CARM1: variants seen among roughly 807,000 people sequenced by gnomAD.
The protein encoded by CARM1 is coactivator associated arginine methyltransferase 1.
In CARM1, 14 loss-of-function variants were observed where a neutral mutation model predicts 72.7. The ratio of observed to expected loss-of-function variants is 0.19; its 90% CI spans 0.13 to 0.30. The LOEUF (loss-of-function observed/expected upper bound fraction) is 0.30. Ranked by LOEUF, CARM1 falls within the 10% of genes least tolerant of loss-of-function variation. CARM1 has a pLI of 1.00. For missense variants in CARM1, 432 were observed against 833.7 expected (o/e 0.52, Z 5.93); for synonymous variants, 333 against 345.5 (o/e 0.96, Z 0.40).
chr19:10,912,359 C>T lies in CARM1; in HGVS notation c.669+65C>T, dbSNP rs2074158099. On this transcript the variant is annotated intron_variant, in intron 5 of 15. Transcript: ENST00000327064. This position sits in a 1 kb window ranked among gnomAD's most constrained non-coding sequence, Gnocchi z 4.5. Reference sequence around the variant, plus strand: ...CCATGAGTGCCATGCCGGCCCCAGCCTAGAGAAGCTTGGGAACCCCCAGGG... The same window carrying T: ...CCATGAGTGCCATGCCGGCCCCAGCTTAGAGAAGCTTGGGAACCCCCAGGG... 3.2e-6 allele frequency: 4 copies of T among 1,257,204 alleles called. No homozygotes were observed. The East Asian group carries it at 9.3e-5, about 29-fold the overall frequency. 77.9% of individuals were successfully genotyped at this position (1,257,204 alleles called of 1,614,324 possible).
At chr19:10,890,641 A>G (rs578220448) in intron 1 of CARM1, among the ~76,000 whole-genome samples, 2 of 150,336 alleles carry the variant, frequency 1.3e-5, no homozygotes, top group Non-Finnish European at 3.0e-5. Context: ...ACATATATAT[A>G]TGTATATGTA....
chr19:10,890,797 T>A (rs200883793), intron 1 of CARM1, among the ~76,000 whole-genome samples: 817 of 87,728 alleles, frequency 9.3e-3, no homozygotes, highest in East Asian at 0.016. Flanking sequence ...ATATATATAT[T>A]TTTTTTTTTT....
At chr19:10,895,612 G>GT (rs1420340093) in intron 1 of CARM1, among the ~76,000 whole-genome samples, 3 of 152,234 alleles carry the variant, frequency 2.0e-5, no homozygotes, top group Admixed American at 1.3e-4. Flanking sequence ...CATGCGCACA[G>GT]TGAGGGCAGG....
intron 1 of CARM1, among the ~76,000 whole-genome samples, chr19:10,901,728 G>A (rs1163922785): frequency 6.6e-6 from 1 of 152,136 alleles, no homozygotes; most frequent in African/African-American, 2.4e-5. Flanking sequence ...GATCACACGA[G>A]GCTAGGACTT....
chr19:10,916,838 A>C lies in CARM1; in HGVS notation c.1020+61A>C. 1 of 1,272,698 alleles carries C rather than the reference A, an allele frequency of 7.9e-7. No individual in the cohort carries two copies. Among genetic ancestry groups the C allele is most frequent in the Non-Finnish European group, 1.1e-6 (1 of 901,074 alleles). The allele number at this position is 1,272,698 out of a possible 1,614,324, so 78.8% of individuals were successfully genotyped here. On this transcript the variant is annotated intron_variant, in intron 8 of 15. Transcript: ENST00000327064. This position sits in a 1 kb window ranked among gnomAD's most constrained non-coding sequence, Gnocchi z 4.4. ...ACTTGCCATTGCTGTGCAGCTGTGCAGCCCTCAGGAAGCTACAGCCCCTCT... is the reference window on the plus strand; with the variant it reads ...ACTTGCCATTGCTGTGCAGCTGTGCCGCCCTCAGGAAGCTACAGCCCCTCT...
At chr19:10,893,377 C>T (rs1438175855) in intron 1 of CARM1, among the ~76,000 whole-genome samples, 1 of 151,390 alleles carries the variant, frequency 6.6e-6, no homozygotes. Flanking sequence ...CTTACTCTCT[C>T]CCCCAGGTTG....
intron 1 of CARM1, among the ~76,000 whole-genome samples, chr19:10,901,976 G>A (rs1723091111): frequency 6.6e-6 from 1 of 152,004 alleles, no homozygotes; most frequent in African/African-American, 2.4e-5. Context: ...GGGCACAGTG[G>A]CTCACCTCTG....
chr19:10,922,071 C>T lies in CARM1; in HGVS notation c.*314C>T. On this transcript the variant is annotated 3_prime_UTR_variant, in exon 16 of 16. Coordinates refer to ENST00000327064, the MANE Select transcript of CARM1 (RefSeq NM_199141.2). ...CTGGAACAGGCGCCATGGGGCCTGC[C>T]AGCCCTGCCTGCCAGGTCCCTTAGC... 2 of 232,930 alleles carry T rather than the reference C, an allele frequency of 8.6e-6. No individual in the cohort carries two copies. The highest frequency in any genetic ancestry group is 1.7e-5 in the Non-Finnish European group (2 of 120,414). 14.4% of individuals were successfully genotyped at this position (232,930 alleles called of 1,614,324 possible).
At chr19:10,878,286 T>C (rs939116014) in intron 1 of CARM1, among the ~76,000 whole-genome samples, 13 of 152,194 alleles carry the variant, frequency 8.5e-5, no homozygotes, top group African/African-American at 3.1e-4. Flanking sequence ...AAATATTTAC[T>C]CACTGGCCCG....
At chr19:10,872,953 G>A (rs1208334045) in intron 1 of CARM1, among the ~76,000 whole-genome samples, 1 of 152,134 alleles carries the variant, frequency 6.6e-6, no homozygotes, top group Non-Finnish European at 1.5e-5. Context: ...AAAGCCCGAG[G>A]AGCAGTCCGT....
Position 10,912,347 on chromosome 19 carries a change from G to C in CARM1, c.669+53G>C. ...CCTCGTCCTCGCCCATGAGTGCCAT[G>C]CCGGCCCCAGCCTAGAGAAGCTTGG... On this transcript the variant is annotated intron_variant, in intron 5 of 15. Coordinates refer to ENST00000327064, the MANE Select transcript of CARM1 (RefSeq NM_199141.2). This position sits in a 1 kb window ranked among gnomAD's most constrained non-coding sequence, Gnocchi z 4.5. The C allele has an allele frequency of 1.5e-6, 2 of 1,332,908 alleles. No homozygotes were observed. The highest frequency in any genetic ancestry group is 1.1e-6 in the Non-Finnish European group (1 of 928,206). 82.6% of individuals were successfully genotyped at this position (1,332,908 alleles called of 1,614,324 possible).
chr19:10,889,053 T>C (rs1406753345), intron 1 of CARM1, among the ~76,000 whole-genome samples: 1 of 152,174 alleles, frequency 6.6e-6, no homozygotes, highest in Non-Finnish European at 1.5e-5. Context: ...TTATGAGGTT[T>C]GGGTGTCCTC....
chr19:10,894,024 TG>T (rs1437788833), intron 1 of CARM1, among the ~76,000 whole-genome samples: 6 of 152,322 alleles, frequency 3.9e-5, no homozygotes, highest in African/African-American at 4.8e-5. Context: ...CACACAGGAA[TG>T]GGGGGAAGCT....
intron 8 of CARM1, among the ~76,000 whole-genome samples, chr19:10,917,718 C>CTTT (rs1164032277): frequency 0.013 from 1,719 of 129,760 alleles, 28 homozygotes; most frequent in Non-Finnish European, 0.017. Context: ...TTTTCTTTTT[C>CTTT]TTTTTTTTTT....
At position 10,916,273 on chromosome 19, in the gene CARM1, A is replaced by C; in HGVS notation, c.848-134A>C. On this transcript the variant is annotated intron_variant, in intron 6 of 15. Transcript: ENST00000327064. This position sits in a 1 kb window ranked among gnomAD's most constrained non-coding sequence, Gnocchi z 4.4. ...AGAATAGGCGCTCGGTGCCACTGTC[A>C]CAGGAGTGCAGGAACGAATGGATGA... 1.6e-6 allele frequency: 1 copy of C among 638,990 alleles called. No individual in the cohort carries two copies. The highest frequency in any genetic ancestry group is 2.8e-6 in the Non-Finnish European group (1 of 353,058). The allele number at this position is 638,990 out of a possible 1,614,324, so 39.6% of individuals were successfully genotyped here. A position where few individuals can be genotyped will look rare whatever the true frequency, so the allele number is the denominator to read the frequency against.
intron 1 of CARM1, among the ~76,000 whole-genome samples, chr19:10,889,615 T>G (rs1018512777): frequency 6.6e-6 from 1 of 151,738 alleles, no homozygotes; most frequent in Non-Finnish European, 1.5e-5. Flanking sequence ...AGGCGTGAGC[T>G]ACCATGCCTG....
Position 10,904,911 on chromosome 19 carries a change from C to T in CARM1, c.221-40C>T, listed in dbSNP as rs1198690758. On this transcript the variant is annotated intron_variant, in intron 1 of 15. Transcript: ENST00000327064. ...CCCAGGCTCAAAAGAAGGCAGCTGA[C>T]AGGGCTGCACCGCTCACGCCAGCCT... 17 of 1,597,988 alleles carry T rather than the reference C, an allele frequency of 1.1e-5. No homozygotes were observed. The East Asian group carries it at 3.8e-4, about 36-fold the overall frequency.
chr19:10,889,151 A>T (rs1055502998), intron 1 of CARM1, among the ~76,000 whole-genome samples: 1 of 152,118 alleles, frequency 6.6e-6, no homozygotes, highest in Admixed American at 6.5e-5. Context: ...AGTCTGGGGC[A>T]GGGGGAAAGG....
rs73009534 is a variant in CARM1 at position 10,882,025 on chromosome 19, G to A, written c.220+10103G>A. On this transcript the variant is annotated intron_variant, in intron 1 of 15. Coordinates refer to ENST00000327064, the MANE Select transcript of CARM1 (RefSeq NM_199141.2). ...AGAGGGAGGCTGAGGGCAGAGTCGT[G>A]CTTGTGGTAAGAGCTCTAGCAGGGG... Among the ~76,000 whole-genome samples, 1,055 of 152,242 alleles carry A rather than the reference G, an allele frequency of 6.9e-3. 4 individuals carry two copies. The highest frequency in any genetic ancestry group is 0.013 in the Non-Finnish European group (864 of 68,004).
Sources: allele counts gnomAD v4.1 joint callset (sites outside exome capture counted in the v4.1 genomes callset), GRCh38; gene constraint gnomAD v4.1.1; non-coding constraint Gnocchi (gnomAD v3.1); transcripts MANE v1.5; gene names NCBI Gene and HGNC (gene_info 2026-07-23, HGNC 2026-07-21).